The following CHD6 variants were observed in gnomAD, a reference collection of about 807,000 sequenced individuals.
CHD6 encodes the protein chromodomain helicase DNA binding protein 6.
A neutral mutation model predicts 276.9 loss-of-function variants in CHD6; 50 were observed. The ratio of observed to expected loss-of-function variants is 0.18; its 90% confidence interval spans 0.14 to 0.23. CHD6 has a LOEUF of 0.23. Among genes scored for constraint, CHD6 ranks in the 10% least tolerant of loss-of-function variants. CHD6 has a pLI of 1.00. For missense variants in CHD6, 2,564 were observed against 3,365.8 expected, an observed-to-expected ratio of 0.76 and a Z score of 5.89; for synonymous variants, 1,173 against 1,229.3, an observed-to-expected ratio of 0.95 and a Z score of 0.96.
At chr20:41,578,352 TA>T (rs1417941451) in intron 1 of CHD6, among the ~76,000 whole-genome samples, 2 of 152,154 alleles carry the variant, frequency 1.3e-5, no homozygotes, top group African/African-American at 2.4e-5. Flanking sequence ...CATAATCACA[TA>T]AAAAGATATG....
At chr20:41,523,877 G>A (rs1203420189) in intron 3 of CHD6, among the ~76,000 whole-genome samples, 1 of 152,060 alleles carries the variant, frequency 6.6e-6, no homozygotes, top group East Asian at 1.9e-4. Context: ...GTGGACTCCA[G>A]GTATTGAAAG....
chr20:41,599,303 C>A (rs1035352368), intron 1 of CHD6, among the ~76,000 whole-genome samples: 7 of 152,028 alleles, frequency 4.6e-5, no homozygotes, highest in African/African-American at 1.7e-4. Context: ...AACACAGCCC[C>A]CGATGGAACA....
intron 23 of CHD6, among the ~76,000 whole-genome samples, chr20:41,449,797 G>C (rs986963254): frequency 5.3e-5 from 8 of 152,142 alleles, no homozygotes. Flanking sequence ...TCAGCATCTA[G>C]ATCAGGAAGC....
chr20:41,411,995 TA>T, intron 36 of CHD6, 148 bp downstream of exon 36: 1 of 1,135,574 alleles, frequency 8.8e-7, no homozygotes, highest in Non-Finnish European at 1.2e-6. Context: ...TTCTTGCTGC[TA>T]ATCAACTTCC....
chr20:41,563,046 T>G (rs893730103), intron 1 of CHD6, among the ~76,000 whole-genome samples: 1 of 152,210 alleles, frequency 6.6e-6, no homozygotes, highest in African/African-American at 2.4e-5. Flanking sequence ...AAGACTCTAC[T>G]CCTCAAAAGA....
In CHD6 at chr20:41,487,814, C is replaced by T; in HGVS notation, c.1858-6G>A. ...GTGAGAAGCACTTTATGTTCCTGCG[C>T]AAATTAAACATACATGATGGACAGT... is the stretch of plus-strand genomic sequence containing the variant. On this transcript the variant is annotated splice_polypyrimidine_tract_variant and splice_region_variant and intron_variant, in intron 13 of 36. Transcript: ENST00000373233. The T allele has an allele frequency of 6.2e-7, 1 of 1,606,842 alleles. No individual in the cohort carries two copies. Among genetic ancestry groups the T allele is most frequent in the African/African-American group, 1.3e-5 (1 of 74,314 alleles).
intron 25 of CHD6, among the ~76,000 whole-genome samples, chr20:41,443,323 T>A (rs146694126): frequency 3.0e-4 from 46 of 152,244 alleles, no homozygotes; most frequent in Middle Eastern, 3.4e-3. Context: ...CCCTGAACAG[T>A]GATTAGGGAT....
Position 41,415,366 on chromosome 20 carries a change from G to C in CHD6, c.6759C>G (p.Gly2253=). The change falls in exon 34 of 37, where the codon GGC becomes GGG. Residue 2253 remains glycine (G), a synonymous_variant. Coordinates refer to ENST00000373233, the MANE Select transcript of CHD6 (RefSeq NM_032221.5). Reference sequence around the variant, plus strand: ...CTTGCAGAATCCCAGACAAGTCCATGCCAAGGGCTCCCTGAAGTGAACTGA... The same window carrying C: ...CTTGCAGAATCCCAGACAAGTCCATCCCAAGGGCTCCCTGAAGTGAACTGA... ...GAISSLQGAL[G]MDLSGILQAG... is the part of the protein sequence containing the mutation. 1.2e-6 allele frequency: 2 copies of C among 1,614,090 alleles called. No homozygotes were observed. Among genetic ancestry groups the C allele is most frequent in the Non-Finnish European group, 1.7e-6 (2 of 1,179,980 alleles).
intron 12 of CHD6, among the ~76,000 whole-genome samples, chr20:41,489,043 A>G (rs1007677327): frequency 3.5e-4 from 53 of 152,186 alleles, no homozygotes; most frequent in Non-Finnish European, 1.3e-4. Flanking sequence ...GATTGAAGGT[A>G]ATGATTCTGA....
chr20:41,560,322 C>A (rs148613776), intron 1 of CHD6, among the ~76,000 whole-genome samples: 193 of 152,298 alleles, frequency 1.3e-3, no homozygotes, highest in African/African-American at 4.3e-3. Flanking sequence ...TTCCACCATT[C>A]ATCCAACTAT....
At chr20:41,579,759 T>G (rs1450400724) in intron 1 of CHD6, among the ~76,000 whole-genome samples, 1 of 152,142 alleles carries the variant, frequency 6.6e-6, no homozygotes, top group Non-Finnish European at 1.5e-5. Context: ...CTTAGGAAAA[T>G]TATTCAAAGA....
At chr20:41,426,274 C>G (rs2047361713) in intron 27 of CHD6, 121 bp from the exon 28 acceptor site, 1 of 769,318 alleles carries the variant, frequency 1.3e-6, no homozygotes. Context: ...CCATGAACAA[C>G]TCAGACCAAG....
chr20:41,556,926 G>C (rs1444234897), intron 1 of CHD6, among the ~76,000 whole-genome samples: 2 of 152,158 alleles, frequency 1.3e-5, no homozygotes, highest in Non-Finnish European at 2.9e-5. Context: ...TTATGTACTA[G>C]GAATAGATGA....
At position 41,412,192 on chromosome 20, in the gene CHD6, C is replaced by G; in HGVS notation, c.7203G>C (p.Leu2401=). 6.2e-7 allele frequency: 1 copy of G among 1,614,242 alleles called. No individual in the cohort carries two copies. Residue 2401 remains leucine (L), a synonymous_variant, in exon 36 of 37, where the codon CTG becomes CTC. Coordinates refer to ENST00000373233, the MANE Select transcript of CHD6 (RefSeq NM_032221.5). ...TGGCAGGAACTCTCTCTTCCCCGCT[C>G]AGGGAGCTGACATCTAATTTTCCAG... ...KEPGKLDVSS[L]SGEERVPAIP...
At chr20:41,603,561 T>A (rs991060631) in intron 1 of CHD6, among the ~76,000 whole-genome samples, 1 of 151,936 alleles carries the variant, frequency 6.6e-6, no homozygotes, top group African/African-American at 2.4e-5. Context: ...TTGAGAAACA[T>A]TGAATTTAAA....
chr20:41,547,297 T>C (rs1219314440), intron 2 of CHD6: 4 of 187,304 alleles, frequency 2.1e-5, no homozygotes, highest in Non-Finnish European at 4.4e-5. Context: ...AGGCATGTTA[T>C]GATTACTTCC....
intron 17 of CHD6, among the ~76,000 whole-genome samples, chr20:41,463,736 AC>A (rs1282979636): frequency 6.6e-6 from 1 of 152,244 alleles, no homozygotes; most frequent in Non-Finnish European, 1.5e-5. Context: ...GTAATGGGTG[AC>A]CCTGGATTGA....
intron 1 of CHD6, among the ~76,000 whole-genome samples, chr20:41,577,002 T>C (rs2045480821): frequency 6.6e-6 from 1 of 152,110 alleles, no homozygotes; most frequent in South Asian, 2.1e-4. Flanking sequence ...TGAACTAACA[T>C]TTGGTAGAAT....
chr20:41,437,396 T>C, intron 26 of CHD6, 62 bp from the exon 27 acceptor site: 1 of 1,214,550 alleles, frequency 8.2e-7, no homozygotes, highest in Admixed American at 2.0e-5. Context: ...ACAGTTTCAG[T>C]TACCCTGGTC....
Sources: gnomAD v4.1 joint callset for allele counts (sites outside exome capture counted in the v4.1 genomes callset) on GRCh38, gnomAD v4.1.1 for gene constraint, MANE v1.5 for transcripts, NCBI Gene and HGNC (gene_info 2026-07-23, HGNC 2026-07-21) for gene names.